CTTNBP2: variants seen among roughly 807,000 people sequenced by gnomAD.
CTTNBP2 encodes the protein cortactin binding protein 2, also known as cortactin-binding protein 2.
Under a neutral mutation model 156.9 loss-of-function variants are expected in CTTNBP2, and 108 were observed. The ratio of observed to expected loss-of-function variants is 0.69; its 90% CI spans 0.59 to 0.81. The LOEUF is 0.81. Among genes scored for constraint, CTTNBP2 ranks in the 30% least tolerant of loss-of-function variants. The probability of loss-of-function intolerance (pLI) is 0.00; values close to 1 mark genes in which losing one functional copy is unlikely to be tolerated. For synonymous variants in CTTNBP2, 767 were observed against 751.8 expected, an observed-to-expected ratio of 1.02 and a Z score of -0.33; for missense variants, 1,924 against 2,035.4, an observed-to-expected ratio of 0.95 and a Z score of 1.05.
chr7:117,833,050 T>C (rs1265027902), intron 2 of CTTNBP2, among the ~76,000 whole-genome samples: 2 of 152,128 alleles, frequency 1.3e-5, no homozygotes, highest in Non-Finnish European at 2.9e-5. Context: ...CCACCGCATC[T>C]GGCCCATCAA....
At chr7:117,758,953 C>T (rs974400882) in intron 10 of CTTNBP2, among the ~76,000 whole-genome samples, 9 of 152,142 alleles carry the variant, frequency 5.9e-5, no homozygotes, top group African/African-American at 2.2e-4. Flanking sequence ...TGAATGAAGG[C>T]TGATGGGGGG....
intron 1 of CTTNBP2, among the ~76,000 whole-genome samples, chr7:117,870,792 G>A (rs1284821794): frequency 6.6e-6 from 1 of 152,120 alleles, no homozygotes; most frequent in Non-Finnish European, 1.5e-5. Flanking sequence ...TTCCCGGCAC[G>A]GTTCACGGCA....
intron 2 of CTTNBP2, among the ~76,000 whole-genome samples, chr7:117,820,741 T>C (rs1467179503): frequency 1.3e-5 from 2 of 152,228 alleles, no homozygotes; most frequent in East Asian, 3.8e-4. Context: ...GTAGGTTTCG[T>C]TGCTTTATAA....
At chr7:117,795,297 A>G (rs1242767314) in intron 3 of CTTNBP2, among the ~76,000 whole-genome samples, 1 of 152,200 alleles carries the variant, frequency 6.6e-6, no homozygotes, top group Non-Finnish European at 1.5e-5. Flanking sequence ...ACCAAATAAC[A>G]GACTGGTATT....
At position 117,792,753 on chromosome 7, in the gene CTTNBP2, G is replaced by A; in HGVS notation, c.443C>T (p.Ala148Val). 1.3e-6 allele frequency: 2 copies of A among 1,572,944 alleles called. No homozygotes were observed. The highest frequency in any genetic ancestry group is 1.7e-6 in the Non-Finnish European group (2 of 1,162,106). ...CAGCTTCTTGTGCTCTTGCTCAAGG[G>A]CTTGTAGCTGAAGCTTCTCCATTTC... is the stretch of plus-strand genomic sequence containing the variant. ...KLEMEKLQLQ[A>V]LEQEHKKLAA... The change falls in exon 4 of 23, where the codon GCC becomes GTC. Residue 148 changes from alanine to valine, a missense_variant. Ala to Val is a moderately conservative substitution (Grantham distance 64). Transcript: ENST00000160373. The surrounding 1 kb of genome is among the most constrained non-coding windows in gnomAD (Gnocchi z 4.2).
In CTTNBP2 at chr7:117,780,457, C is replaced by T. The variant is rs753418523; in HGVS notation, c.2507G>A (p.Arg836Gln). 38 of 1,572,234 alleles carry T rather than the reference C, an allele frequency of 2.4e-5. No individual in the cohort carries two copies. The highest frequency in any genetic ancestry group is 4.1e-5 in the African/African-American group (3 of 72,350). The stretch of plus-strand genomic sequence containing the variant: ...GCTACTCACTGTGGTTTTTACACTT[C>T]GATTGGTTCCAGCTTCCAACAAGAG... ...IKLLLEAGTN[R>Q]SVKTTDGWTP... Residue 836 changes from arginine to glutamine, a missense_variant, in exon 7 of 23, where the codon CGA (arginine) becomes CAA (glutamine). Transcript: ENST00000160373.
At chr7:117,736,934 G>T (rs1302121887) in intron 14 of CTTNBP2, among the ~76,000 whole-genome samples, 1 of 152,142 alleles carries the variant, frequency 6.6e-6, no homozygotes, top group African/African-American at 2.4e-5. Context: ...ATTCATGATA[G>T]TATATTCTCA....
Position 117,791,634 on chromosome 7 carries a change from T to C in CTTNBP2, c.1562A>G (p.His521Arg). 6.2e-7 allele frequency: 1 copy of C among 1,614,000 alleles called. No individual in the cohort carries two copies. Among genetic ancestry groups the C allele is most frequent in the South Asian group, 1.1e-5 (1 of 91,066 alleles). The change falls in exon 4 of 23, where the codon CAC becomes CGC. Residue 521 changes from histidine (H) to arginine (R), a missense_variant. His to Arg is a conservative substitution (Grantham distance 29). Coordinates refer to ENST00000160373, the MANE Select transcript of CTTNBP2 (RefSeq NM_033427.3). ...GVPPTGDVGT[H>R]PPVGRTSLKT... is the part of the protein sequence containing the mutation. Reference sequence around the variant, plus strand: ...TAAACTGGTCCGACCAACTGGAGGGTGGGTGCCAACATCCCCTGTTGGGGG... The same window carrying C: ...TAAACTGGTCCGACCAACTGGAGGGCGGGTGCCAACATCCCCTGTTGGGGG...
chr7:117,786,251 C>T (rs1386654972), intron 4 of CTTNBP2: 1 of 213,132 alleles, frequency 4.7e-6, no homozygotes, highest in Non-Finnish European at 9.7e-6. Flanking sequence ...GTTTTTAACC[C>T]TATTAGGACT....
At chr7:117,734,487 A>G (rs115069847) in intron 16 of CTTNBP2, among the ~76,000 whole-genome samples, 300 of 152,302 alleles carry the variant, frequency 2.0e-3, no homozygotes, top group African/African-American at 7.0e-3. Context: ...ACTCTTGAAA[A>G]TGTGTCAAAA....
intron 17 of CTTNBP2, among the ~76,000 whole-genome samples, chr7:117,726,775 G>C (rs1795116939): frequency 6.6e-6 from 1 of 152,128 alleles, no homozygotes; most frequent in Non-Finnish European, 1.5e-5. Context: ...CAACCACATG[G>C]GCTACTATGT....
intron 2 of CTTNBP2, among the ~76,000 whole-genome samples, chr7:117,850,815 T>C (rs1204196508): frequency 2.0e-5 from 3 of 152,216 alleles, no homozygotes; most frequent in South Asian, 2.1e-4. Flanking sequence ...CAACTTATTA[T>C]GGTTAGTGTT....
intron 2 of CTTNBP2, among the ~76,000 whole-genome samples, chr7:117,852,470 C>T (rs1802992387): frequency 6.6e-6 from 1 of 152,068 alleles, no homozygotes; most frequent in South Asian, 2.1e-4. Context: ...CCATCACTTC[C>T]CTAAACTCAG....
chr7:117,763,859 C>A (rs1384597236), intron 9 of CTTNBP2, among the ~76,000 whole-genome samples: 1 of 152,160 alleles, frequency 6.6e-6, no homozygotes, highest in Non-Finnish European at 1.5e-5. Flanking sequence ...GCATGAGCCA[C>A]TATGCCTGAC....
At chr7:117,731,737 A>T (rs1795410463) in intron 16 of CTTNBP2, among the ~76,000 whole-genome samples, 1 of 152,228 alleles carries the variant, frequency 6.6e-6, no homozygotes. Context: ...TGATAACAAA[A>T]AAGGAAGTCG....
In CTTNBP2 at chr7:117,735,365, C is replaced by T. The variant is rs1027102207; in HGVS notation, c.3592G>A (p.Glu1198Lys). The T allele has an allele frequency of 1.2e-6, 2 of 1,613,554 alleles. No individual in the cohort carries two copies. Among genetic ancestry groups the T allele is most frequent in the Non-Finnish European group, 1.7e-6 (2 of 1,179,596 alleles). ...GACAGTGAAGATTTTTCTAAATTTT[C>T]TAAAATGATGATGATTTTCTTCTTA... ...PSKKKIIIIL[E>K]NLEKSSLSEL... The change falls in exon 15 of 23, where the codon GAA (glutamate) becomes AAA (lysine). Residue 1198 changes from glutamate to lysine, a missense_variant. Glu to Lys is a moderately conservative substitution (Grantham distance 56). Transcript: ENST00000160373.
intron 22 of CTTNBP2, among the ~76,000 whole-genome samples, chr7:117,713,284 ATTTC>A: frequency 6.6e-6 from 1 of 152,184 alleles, no homozygotes. Flanking sequence ...CCTTCAGAGT[ATTTC>A]AAGCTCTAAG....
At chr7:117,810,648 A>G in intron 3 of CTTNBP2, 117 bp downstream of exon 3, 1 of 798,660 alleles carries the variant, frequency 1.3e-6, no homozygotes, top group Non-Finnish European at 2.1e-6. Flanking sequence ...TTGCACTTCT[A>G]AGTACTTATT....
intron 6 of CTTNBP2, among the ~76,000 whole-genome samples, chr7:117,781,308 AAAGT>A (rs1798422461): frequency 6.6e-6 from 1 of 152,240 alleles, no homozygotes; most frequent in Non-Finnish European, 1.5e-5. Context: ...AATCATAATC[AAAGT>A]AAGAAGCAAT....
Sources: gnomAD v4.1 joint callset for allele counts (sites outside exome capture counted in the v4.1 genomes callset) on GRCh38, gnomAD v4.1.1 for gene constraint, Gnocchi (gnomAD v3.1) non-coding constraint, MANE v1.5 for transcripts, NCBI Gene and HGNC (gene_info 2026-07-23, HGNC 2026-07-21) for gene names.